CNTN5: variants seen among roughly 807,000 people sequenced by gnomAD.
CNTN5 encodes the protein contactin 5, also known as contactin-5.
CNTN5 carries 77 observed loss-of-function variants against 129.1 expected under a neutral mutation model. That is an observed-to-expected ratio of 0.60 (90% CI 0.50 to 0.72). The LOEUF is 0.72. Ranked by LOEUF, CNTN5 falls within the 30% of genes least tolerant of loss-of-function variation. The probability of loss-of-function intolerance (pLI) is 0.00; values close to 1 mark genes in which losing one functional copy is unlikely to be tolerated. For missense variants in CNTN5, 1,478 were observed against 1,328.8 expected (o/e 1.11, Z -1.75); for synonymous variants, 509 against 465.6 (o/e 1.09, Z -1.20).
At chr11:100,163,384 A>T (rs1947522649) in intron 13 of CNTN5, among the ~76,000 whole-genome samples, 1 of 151,760 alleles carries the variant, frequency 6.6e-6, no homozygotes, top group Admixed American at 6.6e-5. Flanking sequence ...CTGTAATGTT[A>T]GTGGTCTAAT....
intron 1 of CNTN5, among the ~76,000 whole-genome samples, chr11:99,061,854 T>C (rs1263773541): frequency 6.6e-6 from 1 of 151,842 alleles, no homozygotes; most frequent in Non-Finnish European, 1.5e-5. Flanking sequence ...TAGGCGGGCA[T>C]GGTGTCACAC....
intron 3 of CNTN5, among the ~76,000 whole-genome samples, chr11:99,618,756 G>C (rs12223133): frequency 6.6e-6 from 1 of 152,052 alleles, no homozygotes; most frequent in Admixed American, 6.5e-5. Context: ...TTCACTCTCA[G>C]AATATTTGGG....
chr11:100,142,191 T>G (rs75353299), intron 13 of CNTN5, among the ~76,000 whole-genome samples: 2 of 152,098 alleles, frequency 1.3e-5, no homozygotes, highest in Non-Finnish European at 2.9e-5. Flanking sequence ...AGACTTGAAC[T>G]GAGCCTCACT....
chr11:100,054,983 C>T (rs908869141), intron 9 of CNTN5, among the ~76,000 whole-genome samples: 2 of 110,328 alleles, frequency 1.8e-5, no homozygotes, highest in South Asian at 6.3e-4. Context: ...TTTTTAAAAA[C>T]AATTCTTCTA....
chr11:99,982,981 G>A (rs1458095935), intron 8 of CNTN5, among the ~76,000 whole-genome samples: 1 of 152,130 alleles, frequency 6.6e-6, no homozygotes, highest in Non-Finnish European at 1.5e-5. Flanking sequence ...GTGGACCATG[G>A]AGGGCCCAAA....
chr11:99,205,614 C>T (rs908307520), intron 1 of CNTN5, among the ~76,000 whole-genome samples: 3 of 152,160 alleles, frequency 2.0e-5, no homozygotes, highest in African/African-American at 7.2e-5. Context: ...GCTATTGGCA[C>T]TGCATTGTAT....
At chr11:99,410,456 T>C (rs189387192) in intron 2 of CNTN5, among the ~76,000 whole-genome samples, 36 of 152,286 alleles carry the variant, frequency 2.4e-4, no homozygotes, top group Admixed American at 6.5e-4. Context: ...AAGACTGTTC[T>C]AAATAACATG....
At chr11:99,155,077 G>A (rs1160869226) in intron 1 of CNTN5, among the ~76,000 whole-genome samples, 1 of 152,064 alleles carries the variant, frequency 6.6e-6, no homozygotes, top group African/African-American at 2.4e-5. Flanking sequence ...GGATCCATGA[G>A]GTTCATTGTG....
chr11:100,117,709 T>G, intron 13 of CNTN5, among the ~76,000 whole-genome samples: 1 of 149,338 alleles, frequency 6.7e-6, no homozygotes. Flanking sequence ...TATTGCAAAA[T>G]CAGTACACTA....
intron 3 of CNTN5, among the ~76,000 whole-genome samples, chr11:99,629,049 G>C (rs1951240596): frequency 6.6e-6 from 1 of 151,934 alleles, no homozygotes; most frequent in Non-Finnish European, 1.5e-5. Context: ...AACTGCTCCT[G>C]AAATTTGCCT....
At chr11:99,390,223 T>G (rs937153648) in intron 2 of CNTN5, among the ~76,000 whole-genome samples, 3 of 151,706 alleles carry the variant, frequency 2.0e-5, no homozygotes, top group African/African-American at 7.3e-5. Flanking sequence ...GCTCAAGCAA[T>G]CCTACTGCCT....
chr11:99,621,534 A>ATATT (rs201424698), intron 3 of CNTN5, among the ~76,000 whole-genome samples: 14 of 99,704 alleles, frequency 1.4e-4, no homozygotes, highest in African/African-American at 3.5e-4. Context: ...TAATACAAAA[A>ATATT]TAGTAAATAT....
intron 6 of CNTN5, among the ~76,000 whole-genome samples, chr11:99,853,654 A>G (rs1565607181): frequency 6.6e-6 from 1 of 152,132 alleles, no homozygotes; most frequent in East Asian, 1.9e-4. Flanking sequence ...TCCTGGGATT[A>G]CAGGCCTGAG....
intron 4 of CNTN5, among the ~76,000 whole-genome samples, chr11:99,828,749 G>T (rs549268989): frequency 4.2e-4 from 64 of 152,162 alleles, no homozygotes; most frequent in Admixed American, 3.9e-3. Flanking sequence ...ACACTCAAGA[G>T]AATTTACATT....
chr11:99,159,148 TTC>T (rs1860472176), intron 1 of CNTN5, among the ~76,000 whole-genome samples: 1 of 152,170 alleles, frequency 6.6e-6, no homozygotes, highest in African/African-American at 2.4e-5. Context: ...GCTTGTAAGA[TTC>T]TCTGTTTCTT....
In CNTN5 at chr11:99,967,767, G is replaced by T. The variant is rs7105960; in HGVS notation, c.877+10758G>T. ...CACCTGTGCCTCTCCCTGTAACAGT[G>T]TTGCTTCCAGTCTCCCTTCAGGGTC... On this transcript the variant is annotated intron_variant, in intron 8 of 24. Coordinates refer to ENST00000524871, the MANE Select transcript of CNTN5 (RefSeq NM_014361.4). Among the ~76,000 whole-genome samples the T allele has an allele frequency of 2.4e-3, 364 of 152,172 alleles. 1 individual carries two copies. Among genetic ancestry groups the T allele is most frequent in the African/African-American group, 8.4e-3 (349 of 41,528 alleles).
chr11:100,038,273 C>A (rs1219511342), intron 9 of CNTN5, among the ~76,000 whole-genome samples: 3 of 151,918 alleles, frequency 2.0e-5, no homozygotes, highest in Non-Finnish European at 4.4e-5. Context: ...TGTAGTTGAG[C>A]GGTTTTGAGT....
intron 2 of CNTN5, among the ~76,000 whole-genome samples, chr11:99,420,803 G>A (rs960492626): frequency 9.9e-5 from 15 of 152,046 alleles, no homozygotes; most frequent in South Asian, 2.1e-4. Flanking sequence ...TCTCTCTTGG[G>A]TTGAAATAAA....
intron 3 of CNTN5, among the ~76,000 whole-genome samples, chr11:99,584,234 A>G (rs889194830): frequency 2.4e-4 from 36 of 152,322 alleles, no homozygotes; most frequent in African/African-American, 7.7e-4. Flanking sequence ...CATTACCGGG[A>G]CATAACACTC....
Sources: allele counts gnomAD v4.1 joint callset (sites outside exome capture counted in the v4.1 genomes callset), GRCh38; gene constraint gnomAD v4.1.1; transcripts MANE v1.5; gene names NCBI Gene and HGNC (gene_info 2026-07-23, HGNC 2026-07-21).